NFIB: variants seen among roughly 807,000 people sequenced by gnomAD.
NFIB encodes nuclear factor I B, also known as nuclear factor 1 B-type.
A neutral mutation model predicts 61.5 loss-of-function variants in NFIB; 11 were observed. That is an observed-to-expected ratio of 0.18 (90% confidence interval 0.11 to 0.30). NFIB has a LOEUF of 0.30. Ranked by LOEUF, NFIB falls within the 10% of genes least tolerant of loss-of-function variation. NFIB has a pLI of 1.00. For missense variants in NFIB, 471 were observed against 608.9 expected (o/e 0.77, Z 2.38); for synonymous variants, 260 against 216.5 (o/e 1.20, Z -1.76).
chr9:14,308,416 T>A (rs1211271570), intron 1 of NFIB, among the ~76,000 whole-genome samples: 1 of 152,202 alleles, frequency 6.6e-6, no homozygotes, highest in Non-Finnish European at 1.5e-5. Flanking sequence ...AAACAAAAAT[T>A]ACATGAATGT....
chr9:14,208,215 T>TACA (rs2049948841), intron 2 of NFIB, among the ~76,000 whole-genome samples: 1 of 152,120 alleles, frequency 6.6e-6, no homozygotes, highest in Admixed American at 6.5e-5. Context: ...AATTCATCTA[T>TACA]ACAACAAAGC....
At chr9:14,249,587 C>G (rs2055344200) in intron 2 of NFIB, among the ~76,000 whole-genome samples, 1 of 151,746 alleles carries the variant, frequency 6.6e-6, no homozygotes, top group African/African-American at 2.4e-5. Flanking sequence ...CAGTTTACGT[C>G]TATCATGATT....
intron 3 of NFIB, among the ~76,000 whole-genome samples, chr9:14,165,226 A>G (rs2044647614): frequency 6.6e-6 from 1 of 152,114 alleles, no homozygotes; most frequent in South Asian, 2.1e-4. Flanking sequence ...ACACTCTCCC[A>G]GGCCTTAGGA....
chr9:14,373,516 T>A (rs566573554), intron 1 of NFIB, among the ~76,000 whole-genome samples: 1 of 151,442 alleles, frequency 6.6e-6, no homozygotes, highest in South Asian at 2.1e-4. Context: ...CATTGCCAGG[T>A]TTTTTTTTAA....
intron 2 of NFIB, among the ~76,000 whole-genome samples, chr9:14,202,244 C>T (rs1007514178): frequency 2.2e-4 from 34 of 151,942 alleles, no homozygotes; most frequent in African/African-American, 8.2e-4. Context: ...AAGCCACAGA[C>T]TGCAAAAGCA....
At position 14,313,401 on chromosome 9, in the gene NFIB, G is replaced by A. The variant is rs2060384881; in HGVS notation, c.30+81C>T. The A allele has an allele frequency of 6.3e-7, 1 of 1,595,550 alleles. No individual in the cohort carries two copies. Among genetic ancestry groups the A allele is most frequent in the Non-Finnish European group, 8.6e-7 (1 of 1,165,606 alleles). On this transcript the variant is annotated intron_variant, in intron 1 of 10. Transcript: ENST00000380953. This position sits in a 1 kb window ranked among gnomAD's most constrained non-coding sequence, Gnocchi z 4.5. ...CGGGGATGTGCGGAGGTTAACTCAA[G>A]CCGCTAATTGTCCGCAACAAAACAA...
At chr9:14,515,415 G>GA in the NFIB span, among the ~76,000 whole-genome samples, 1 of 152,122 alleles carries the variant, frequency 6.6e-6, no homozygotes, top group Non-Finnish European at 1.5e-5. Flanking sequence ...TTAAAGTGGG[G>GA]AAATTGGGGT....
At chr9:14,130,249 A>G (rs905693464) in intron 6 of NFIB, among the ~76,000 whole-genome samples, 7 of 152,168 alleles carry the variant, frequency 4.6e-5, no homozygotes, top group Non-Finnish European at 1.0e-4. Flanking sequence ...ACATTTTTAA[A>G]TAGCTCTTTT....
At chr9:14,201,443 TA>T in intron 2 of NFIB, among the ~76,000 whole-genome samples, 3 of 152,358 alleles carry the variant, frequency 2.0e-5, no homozygotes, top group Middle Eastern at 6.8e-3. Context: ...CCCTTGCTCA[TA>T]AGGTTTCTAT....
chr9:14,269,967 T>C (rs879639594), intron 2 of NFIB, among the ~76,000 whole-genome samples: 1 of 152,194 alleles, frequency 6.6e-6, no homozygotes, highest in Non-Finnish European at 1.5e-5. Flanking sequence ...AATTTTACAT[T>C]ATATATTTTG....
chr9:14,413,152 C>T, the NFIB span, among the ~76,000 whole-genome samples: 1 of 152,128 alleles, frequency 6.6e-6, no homozygotes, highest in Non-Finnish European at 1.5e-5. Flanking sequence ...TTATGAGGAG[C>T]ACAAAGCCTC....
chr9:14,176,290 T>C (rs1163874467), intron 3 of NFIB, among the ~76,000 whole-genome samples: 1 of 145,642 alleles, frequency 6.9e-6, no homozygotes. Flanking sequence ...GAAGAAGAAG[T>C]GAATATAAAT....
At chr9:14,369,914 T>C (rs1438550867) in intron 1 of NFIB, among the ~76,000 whole-genome samples, 1 of 152,144 alleles carries the variant, frequency 6.6e-6, no homozygotes, top group Non-Finnish European at 1.5e-5. Context: ...TCAGACATTC[T>C]CCATCTCTGA....
chr9:14,378,399 C>CT (rs2061444618), intron 1 of NFIB, among the ~76,000 whole-genome samples: 1 of 152,144 alleles, frequency 6.6e-6, no homozygotes, highest in African/African-American at 2.4e-5. Flanking sequence ...GCTCTGTCAC[C>CT]AGGCTGGAGT....
the NFIB span, among the ~76,000 whole-genome samples, chr9:14,499,393 T>C: frequency 6.6e-6 from 1 of 152,134 alleles, no homozygotes; most frequent in African/African-American, 2.4e-5. Context: ...CCTCCCTTCC[T>C]GTGTGAGGTG....
At chr9:14,230,849 C>T (rs543225175) in intron 2 of NFIB, among the ~76,000 whole-genome samples, 1 of 151,978 alleles carries the variant, frequency 6.6e-6, no homozygotes, top group Non-Finnish European at 1.5e-5. Context: ...GAATTGGAGA[C>T]ATTTTTCCTG....
the NFIB span, among the ~76,000 whole-genome samples, chr9:14,437,806 C>T: frequency 1.1e-4 from 16 of 152,308 alleles, no homozygotes; most frequent in South Asian, 2.1e-3. Flanking sequence ...CCTCCTGCCT[C>T]GCTGGGGGTA....
intron 2 of NFIB, among the ~76,000 whole-genome samples, chr9:14,196,822 G>GT (rs2048524884): frequency 6.6e-6 from 1 of 152,112 alleles, no homozygotes; most frequent in Non-Finnish European, 1.5e-5. Flanking sequence ...TGTAATCAGA[G>GT]TAACTTTGAT....
intron 2 of NFIB, among the ~76,000 whole-genome samples, chr9:14,203,695 C>T (rs1006559705): frequency 6.6e-6 from 1 of 152,226 alleles, no homozygotes; most frequent in Non-Finnish European, 1.5e-5. Flanking sequence ...TAAAGTCTGT[C>T]TCACAGGAAG....
Sources: gnomAD v4.1 joint callset for allele counts (sites outside exome capture counted in the v4.1 genomes callset) on GRCh38, gnomAD v4.1.1 for gene constraint, Gnocchi (gnomAD v3.1) non-coding constraint, MANE v1.5 for transcripts, NCBI Gene and HGNC (gene_info 2026-07-23, HGNC 2026-07-21) for gene names.